The following CMKLR2 variants were observed in gnomAD, a reference collection of about 807,000 sequenced individuals.
CMKLR2 encodes the protein chemerin-like receptor 2.
Under a neutral mutation model 23.0 loss-of-function variants are expected in CMKLR2, and 18 were observed. That is an observed-to-expected ratio of 0.78 (90% CI 0.54 to 1.16). The LOEUF (loss-of-function observed/expected upper bound fraction) is 1.16, where lower values mean the gene tolerates loss of function less well. Among genes scored for constraint, CMKLR2 ranks in the 50% most tolerant of loss-of-function variants. The pLI, the probability that CMKLR2 is intolerant of heterozygous loss-of-function variation, is 0.00. For synonymous variants in CMKLR2, 158 were observed against 158.9 expected (o/e 0.99, Z 0.05); for missense variants, 401 against 412.7 (o/e 0.97, Z 0.25).
Position 206,176,028 on chromosome 2 carries a change from T to G in CMKLR2, c.*152A>C. On this transcript the variant is annotated 3_prime_UTR_variant, in exon 2 of 2. Transcript: ENST00000621141. ...AAGAGGATCCTTCCTAAGTTTCATA[T>G]CCACACAAAAATGTGATGCCTATAT... 1.9e-6 allele frequency: 1 copy of G among 515,866 alleles called. No homozygotes were observed. The highest frequency in any genetic ancestry group is 3.3e-6 in the Non-Finnish European group (1 of 305,634). 32.0% of individuals were successfully genotyped at this position (515,866 alleles called of 1,614,324 possible).
chr2:206,209,249 A>G (rs1689446905), intron 1 of CMKLR2, among the ~76,000 whole-genome samples: 1 of 151,962 alleles, frequency 6.6e-6, no homozygotes, highest in Admixed American at 6.6e-5. Flanking sequence ...GAAGTGTGAG[A>G]ATCGCTTGAA....
chr2:206,202,176 A>G (rs1689119137), intron 1 of CMKLR2, among the ~76,000 whole-genome samples: 1 of 152,182 alleles, frequency 6.6e-6, no homozygotes, highest in Non-Finnish European at 1.5e-5. Flanking sequence ...TACATTTCTC[A>G]TACTTGGAGA....
intron 1 of CMKLR2, among the ~76,000 whole-genome samples, chr2:206,199,018 A>G (rs914441517): frequency 5.9e-5 from 9 of 152,264 alleles, no homozygotes; most frequent in Non-Finnish European, 2.9e-5. Flanking sequence ...TTCATATTTA[A>G]GTTCACATAA....
upstream of CMKLR2, among the ~76,000 whole-genome samples, chr2:206,214,861 G>T (rs993982779): frequency 1.3e-5 from 2 of 151,534 alleles, no homozygotes; most frequent in African/African-American, 2.4e-5. Context: ...TCCTGACCTC[G>T]TGATCCGCCC....
intron 1 of CMKLR2, among the ~76,000 whole-genome samples, chr2:206,184,298 CT>C (rs1688505252): frequency 7.1e-6 from 1 of 140,484 alleles, no homozygotes; most frequent in Admixed American, 7.7e-5. Context: ...CTCTCTCTCT[CT>C]CTTTTTTTTT....
chr2:206,195,823 G>A (rs1688902482), intron 1 of CMKLR2, among the ~76,000 whole-genome samples: 2 of 151,956 alleles, frequency 1.3e-5, no homozygotes, highest in African/African-American at 2.4e-5. Context: ...GAGCAGTGGC[G>A]CATGCCTGTA....
chr2:206,185,285 C>G lies in CMKLR2; in HGVS notation c.-28-8010G>C, dbSNP rs144659760. Among the ~76,000 whole-genome samples, 6 of 152,328 alleles carry G rather than the reference C, an allele frequency of 3.9e-5. No homozygotes were observed. The East Asian group carries it at 1.2e-3, about 29-fold the overall frequency. ...ACAGGCTTAAGCCACTGCACCCAGC[C>G]TGGTTTTAGCTTTCAATAAGGTGGT... On this transcript the variant is annotated intron_variant, in intron 1 of 1. Coordinates refer to ENST00000621141, the MANE Select transcript of CMKLR2 (RefSeq NM_001389445.1).
upstream of CMKLR2, among the ~76,000 whole-genome samples, chr2:206,214,780 C>T (rs374894694): frequency 2.0e-5 from 3 of 151,802 alleles, no homozygotes; most frequent in South Asian, 2.1e-4. Flanking sequence ...CCCGCCACCA[C>T]GCCCGGCTAA....
At chr2:206,212,178 ATTAAAT>A (rs1282894204) in intron 1 of CMKLR2, among the ~76,000 whole-genome samples, 1 of 152,170 alleles carries the variant, frequency 6.6e-6, no homozygotes, top group Non-Finnish European at 1.5e-5. Flanking sequence ...ATGATCTGTT[ATTAAAT>A]ATTTATCTCA....
chr2:206,217,649 C>G (rs1689797297), upstream of CMKLR2: 1 of 152,182 alleles, frequency 6.6e-6, no homozygotes, highest in Admixed American at 6.5e-5. Flanking sequence ...TGTTTTATCT[C>G]TAATTTGAAT....
intron 1 of CMKLR2, among the ~76,000 whole-genome samples, chr2:206,206,981 T>A (rs2105837621): frequency 7.2e-6 from 1 of 138,890 alleles, no homozygotes; most frequent in East Asian, 2.3e-4. Context: ...AAAGCCAGCC[T>A]CACTCCTGAG....
At chr2:206,182,020 A>C (rs552396916) in intron 1 of CMKLR2, among the ~76,000 whole-genome samples, 2 of 151,810 alleles carry the variant, frequency 1.3e-5, no homozygotes, top group African/African-American at 4.8e-5. Context: ...ATTAAGTGGA[A>C]GTGGACCATC....
intron 1 of CMKLR2, among the ~76,000 whole-genome samples, chr2:206,181,197 A>G (rs764227804): frequency 8.0e-4 from 122 of 151,930 alleles, no homozygotes; most frequent in Non-Finnish European, 1.4e-3. Flanking sequence ...ACCTGGGACT[A>G]CAGGCTTTTG....
upstream of CMKLR2, among the ~76,000 whole-genome samples, chr2:206,215,986 G>T (rs1689740965): frequency 6.6e-6 from 1 of 152,136 alleles, no homozygotes; most frequent in Non-Finnish European, 1.5e-5. Context: ...CTCCTTATTG[G>T]AAGAGATATT....
intron 1 of CMKLR2, among the ~76,000 whole-genome samples, chr2:206,185,509 A>G (rs1688551410): frequency 6.6e-6 from 1 of 152,228 alleles, no homozygotes; most frequent in South Asian, 2.1e-4. Flanking sequence ...AGAAGGAAAA[A>G]AATTCAACAA....
chr2:206,190,247 C>T (rs1274674874), intron 1 of CMKLR2, among the ~76,000 whole-genome samples: 1 of 152,076 alleles, frequency 6.6e-6, no homozygotes, highest in Non-Finnish European at 1.5e-5. Context: ...TGATTTGGCT[C>T]GAGAAGGGAC....
chr2:206,217,277 G>T (rs1407231212), upstream of CMKLR2: 1 of 152,130 alleles, frequency 6.6e-6, no homozygotes, highest in Admixed American at 6.6e-5. Flanking sequence ...AGTCACATTG[G>T]AGATTAGACT....
At chr2:206,194,670 A>G (rs888658069) in intron 1 of CMKLR2, among the ~76,000 whole-genome samples, 1 of 151,738 alleles carries the variant, frequency 6.6e-6, no homozygotes, top group Non-Finnish European at 1.5e-5. Context: ...CCCTGGCCTC[A>G]AGTGATCTGT....
intron 1 of CMKLR2, among the ~76,000 whole-genome samples, chr2:206,187,096 C>G (rs1165441861): frequency 6.6e-6 from 1 of 152,072 alleles, no homozygotes. Flanking sequence ...CCTGTAATCT[C>G]AACATTTTGG....
Sources: gnomAD v4.1 joint callset for allele counts (sites outside exome capture counted in the v4.1 genomes callset) on GRCh38, gnomAD v4.1.1 for gene constraint, MANE v1.5 for transcripts, NCBI Gene and HGNC (gene_info 2026-07-23, HGNC 2026-07-21) for gene names.